The following RBPJ variants were observed in gnomAD, a reference collection of about 807,000 sequenced individuals.
RBPJ encodes the protein recombination signal binding protein for immunoglobulin kappa J region.
Under a neutral mutation model 67.8 loss-of-function variants are expected in RBPJ, and 9 were observed. The observed-to-expected ratio is 0.13, with a 90% confidence interval of 0.08 to 0.23. The LOEUF is 0.23. Among genes scored for constraint, RBPJ ranks in the 10% least tolerant of loss-of-function variants. RBPJ has a pLI of 1.00. For missense variants in RBPJ, 305 were observed against 595.6 expected (o/e 0.51, Z 5.08); for synonymous variants, 198 against 203.3 (o/e 0.97, Z 0.22).
intron 1 of RBPJ, among the ~76,000 whole-genome samples, chr4:26,337,682 CTTTTTTTTTTT>C (rs386356773): frequency 1.9e-5 from 2 of 108,030 alleles, no homozygotes; most frequent in Non-Finnish European, 3.6e-5. Flanking sequence ...ATTCTTTATC[CTTTTTTTTTTT>C]TTTTTTTTTG....
chr4:26,184,052 G>A (rs1717124781), intron 1 of RBPJ, among the ~76,000 whole-genome samples: 1 of 151,122 alleles, frequency 6.6e-6, no homozygotes, highest in East Asian at 1.9e-4. Context: ...CATGGTGGTG[G>A]GTGCCTGCAG....
chr4:26,114,498 T>TGC, the RBPJ span, among the ~76,000 whole-genome samples: 3 of 134,156 alleles, frequency 2.2e-5, no homozygotes, highest in African/African-American at 1.1e-4. Flanking sequence ...TATATATATA[T>TGC]GTATGTGTGT....
intron 1 of RBPJ, among the ~76,000 whole-genome samples, chr4:26,222,659 C>G (rs1373507474): frequency 1.2e-5 from 1 of 81,400 alleles, no homozygotes; most frequent in African/African-American, 4.5e-5. Flanking sequence ...TATATATATA[C>G]CTATTATGTA....
At chr4:26,283,944 T>C (rs10027315) in intron 1 of RBPJ, among the ~76,000 whole-genome samples, 72,922 of 151,936 alleles carry the variant, frequency 0.48, 17,560 homozygotes, top group Admixed American at 0.51. Flanking sequence ...ACGCCTGGCC[T>C]ATTTAATACA....
chr4:26,374,254 A>C (rs1729478753), intron 1 of RBPJ, among the ~76,000 whole-genome samples: 1 of 151,890 alleles, frequency 6.6e-6, no homozygotes, highest in Non-Finnish European at 1.5e-5. Context: ...TTACAGCTTT[A>C]GAAAACATTT....
chr4:26,111,038 T>C, the RBPJ span, among the ~76,000 whole-genome samples: 1 of 152,188 alleles, frequency 6.6e-6, no homozygotes, highest in Admixed American at 6.5e-5. Context: ...GAATCCCTCT[T>C]CCCCCATGAG....
upstream of RBPJ, among the ~76,000 whole-genome samples, chr4:26,161,072 G>A (rs1716067839): frequency 6.6e-6 from 1 of 152,228 alleles, no homozygotes; most frequent in Non-Finnish European, 1.5e-5. Context: ...CTGGGTTTGT[G>A]ACTTGCTCTG....
chr4:26,249,791 C>CTT (rs1329128596), intron 1 of RBPJ, among the ~76,000 whole-genome samples: 241 of 128,812 alleles, frequency 1.9e-3, no homozygotes, highest in African/African-American at 6.2e-3. Flanking sequence ...TTTTTTTTTT[C>CTT]TTTTTTTTTT....
intron 1 of RBPJ, among the ~76,000 whole-genome samples, chr4:26,378,396 G>A (rs1283049212): frequency 2.0e-5 from 3 of 152,054 alleles, no homozygotes; most frequent in African/African-American, 7.3e-5. Flanking sequence ...CTTCATTTAA[G>A]GCTTTCATAT....
chr4:26,217,745 A>T (rs935879507), intron 1 of RBPJ, among the ~76,000 whole-genome samples: 6 of 152,282 alleles, frequency 3.9e-5, no homozygotes, highest in African/African-American at 1.4e-4. Flanking sequence ...TTTTTATCCA[A>T]TTCCTTCCAC....
At chr4:26,250,148 C>A (rs1720061443) in intron 1 of RBPJ, among the ~76,000 whole-genome samples, 1 of 151,910 alleles carries the variant, frequency 6.6e-6, no homozygotes, top group Admixed American at 6.6e-5. Flanking sequence ...CTTCCTCATT[C>A]TCCCCATCCC....
At chr4:26,239,081 G>A (rs1037903710) in intron 1 of RBPJ, among the ~76,000 whole-genome samples, 1 of 152,112 alleles carries the variant, frequency 6.6e-6, no homozygotes, top group African/African-American at 2.4e-5. Flanking sequence ...CACCACCAAA[G>A]CAACGACTGC....
intron 1 of RBPJ, among the ~76,000 whole-genome samples, chr4:26,333,013 C>A (rs772732048): frequency 6.6e-6 from 1 of 152,168 alleles, no homozygotes; most frequent in Non-Finnish European, 1.5e-5. Context: ...GAAATAATCA[C>A]TGTTAACAAT....
chr4:26,215,230 A>AGGGG (rs1718654318), intron 1 of RBPJ, among the ~76,000 whole-genome samples: 1 of 38,562 alleles, frequency 2.6e-5, no homozygotes, highest in Non-Finnish European at 4.3e-5. Flanking sequence ...AAGAGAGAAA[A>AGGGG]GAGAGAAAGA....
At chr4:26,105,551 C>G in the RBPJ span, among the ~76,000 whole-genome samples, 4 of 152,110 alleles carry the variant, frequency 2.6e-5, no homozygotes, top group Non-Finnish European at 4.4e-5. Flanking sequence ...TCTGGCAAAA[C>G]TAGGCCAGAA....
intron 1 of RBPJ, among the ~76,000 whole-genome samples, chr4:26,322,663 A>T (rs1038608201): frequency 1.8e-5 from 2 of 111,268 alleles, no homozygotes; most frequent in South Asian, 2.8e-4. Flanking sequence ...TATGTATATT[A>T]TATATATATA....
intron 1 of RBPJ, among the ~76,000 whole-genome samples, chr4:26,253,307 C>CTTTTT (rs1182769419): frequency 6.4e-4 from 73 of 114,382 alleles, no homozygotes; most frequent in African/African-American, 8.5e-4. Context: ...TCTGCTATTT[C>CTTTTT]TTTTTTTTTT....
intron 2 of RBPJ, among the ~76,000 whole-genome samples, chr4:26,402,705 A>G (rs1732968152): frequency 6.6e-6 from 1 of 151,688 alleles, no homozygotes; most frequent in South Asian, 2.1e-4. Context: ...CCTTTAATAC[A>G]TTTTCTTCTT....
intron 1 of RBPJ, among the ~76,000 whole-genome samples, chr4:26,274,627 C>G (rs1017594520): frequency 6.6e-6 from 1 of 151,814 alleles, no homozygotes; most frequent in African/African-American, 2.4e-5. Flanking sequence ...GAGCGAGACC[C>G]TGTCTCTCAA....
Sources: allele counts gnomAD v4.1 joint callset (sites outside exome capture counted in the v4.1 genomes callset), GRCh38; gene constraint gnomAD v4.1.1; transcripts MANE v1.5; gene names NCBI Gene and HGNC (gene_info 2026-07-23, HGNC 2026-07-21).